GPR101: variants seen among roughly 807,000 people sequenced by gnomAD.
GPR101 encodes probable G protein-coupled receptor 101.
Under a neutral mutation model 16.4 loss-of-function variants are expected in GPR101, and 8 were observed. The observed-to-expected ratio is 0.49, with a 90% CI of 0.29 to 0.88. The LOEUF is 0.88. Among genes scored for constraint, GPR101 ranks in the 40% least tolerant of loss-of-function variants. The pLI, the probability that GPR101 is intolerant of heterozygous loss-of-function variation, is 0.09. For missense variants in GPR101, 375 were observed against 411.7 expected, an observed-to-expected ratio of 0.91 and a Z score of 0.77; for synonymous variants, 155 against 168.7, an observed-to-expected ratio of 0.92 and a Z score of 0.63.
At chrX:137,032,643 C>G (rs1927289957) in intron 1 of GPR101, among the ~76,000 whole-genome samples, 1 of 110,790 alleles carries the variant, frequency 9.0e-6, no homozygotes, top group African/African-American at 3.3e-5. Flanking sequence ...GCGTCTCCCT[C>G]GGGTTCTCTG....
In GPR101 at chrX:137,028,715, A is replaced by T. The variant is rs1927204026; in HGVS notation, c.*1433T>A. On this transcript the variant is annotated 3_prime_UTR_variant, in exon 2 of 2. Coordinates refer to ENST00000651716, the MANE Select transcript of GPR101 (RefSeq NM_054021.2). ...CCCATGCCCTCAGAAATGTATATGT[A>T]TATCCCTGCCCAAAGTTATTTTGCG... Among the ~76,000 whole-genome samples the T allele has an allele frequency of 8.9e-6, 1 of 112,337 alleles. No homozygotes were observed. Among genetic ancestry groups the T allele is most frequent in the Non-Finnish European group, 1.9e-5 (1 of 53,201 alleles).
At position 137,029,456 on chromosome X, in the gene GPR101, G is replaced by A. The variant is rs1180134089; in HGVS notation, c.*692C>T. ...TATAGGAAAAAAAGTCAACTGTTTA[G>A]CTCTCCAGATGTGTGTTATTTCTCA... On this transcript the variant is annotated 3_prime_UTR_variant, in exon 2 of 2. Transcript: ENST00000651716. 1.1e-4 allele frequency among the ~76,000 whole-genome samples: 12 copies of A among 112,315 alleles called. No homozygotes were observed. The highest frequency in any genetic ancestry group is 2.3e-4 in the Non-Finnish European group (12 of 53,296).
Position 137,031,638 on chromosome X carries a change from T to A in GPR101, c.37A>T (p.Asn13Tyr). The change falls in exon 2 of 2, where the codon AAC becomes TAC. Residue 13 changes from asparagine (N) to tyrosine (Y), a missense_variant. Coordinates refer to ENST00000651716, the MANE Select transcript of GPR101 (RefSeq NM_054021.2). Reference sequence around the variant, plus strand: ...AGGGGCATGCACGTGTGGCTGCTGTTACTCTCGCGCGTGCTGTTGGTGCAG... The same window carrying A: ...AGGGGCATGCACGTGTGGCTGCTGTAACTCTCGCGCGTGCTGTTGGTGCAG... ...STCTNSTRES[N>Y]SSHTCMPLSK... is the part of the protein sequence containing the mutation. 1 of 1,195,328 alleles carries A rather than the reference T, an allele frequency of 8.4e-7. No homozygotes were observed. Among genetic ancestry groups the A allele is most frequent in the Non-Finnish European group, 1.1e-6 (1 of 886,782 alleles).
In GPR101 at chrX:137,026,236, G is replaced by T. The variant is rs1927165878; in HGVS notation, c.*3912C>A. ...TCTTAAAGAGGAATACAACAGAAAA[G>T]ACATTATGAGGGGAAAACACGTTAT... On this transcript the variant is annotated 3_prime_UTR_variant, in exon 2 of 2. Coordinates refer to ENST00000651716, the MANE Select transcript of GPR101 (RefSeq NM_054021.2). Among the ~76,000 whole-genome samples, 1 of 112,243 alleles carries T rather than the reference G, an allele frequency of 8.9e-6. No individual in the cohort carries two copies. Among genetic ancestry groups the T allele is most frequent in the African/African-American group, 3.2e-5 (1 of 30,880 alleles).
chrX:137,024,511 GT>G lies in GPR101; in HGVS notation c.*5636del, dbSNP rs1230110913. 8.9e-6 allele frequency among the ~76,000 whole-genome samples: 1 copy of G among 112,287 alleles called. No homozygotes were observed. The stretch of plus-strand genomic sequence containing the variant: ...CTCACAAAATTTGGTATTAAAGGCA[GT>G]TTTAAAAACAATTTAATGAGGGTAT... On this transcript the variant is annotated 3_prime_UTR_variant, in exon 2 of 2. Coordinates refer to ENST00000651716, the MANE Select transcript of GPR101 (RefSeq NM_054021.2).
At position 137,031,682 on chromosome X, in the gene GPR101, G is replaced by A; in HGVS notation, c.-8C>T. 5 of 1,173,202 alleles carry A rather than the reference G, an allele frequency of 4.3e-6. No homozygotes were observed. The highest frequency in any genetic ancestry group is 5.7e-6 in the Non-Finnish European group (5 of 874,251). ...GGTGCAGGTGGACGTCATGGCAACA[G>A]CCAGAGGGCGTGAGACAGGTTGCAG... is the stretch of plus-strand genomic sequence containing the variant. On this transcript the variant is annotated 5_prime_UTR_variant, in exon 2 of 2. Coordinates refer to ENST00000651716, the MANE Select transcript of GPR101 (RefSeq NM_054021.2).
rs186722069 is a variant in GPR101, at chrX:137,029,325, G to T, written c.*823C>A. Among the ~76,000 whole-genome samples the T allele has an allele frequency of 2.6e-4, 29 of 112,324 alleles. No individual in the cohort carries two copies. Among genetic ancestry groups the T allele is most frequent in the African/African-American group, 8.1e-4 (25 of 30,941 alleles). ...AAGGGAAGTTGTAAAATAGTGGCAT[G>T]ATTTCTGCCCCACTATTATTCAAAC... is the stretch of plus-strand genomic sequence containing the variant. On this transcript the variant is annotated 3_prime_UTR_variant, in exon 2 of 2. Transcript: ENST00000651716.
rs371482705 is a variant in GPR101, at chrX:137,030,998, A to G, written c.677T>C (p.Leu226Pro). 63 of 1,210,739 alleles carry G rather than the reference A, an allele frequency of 5.2e-5. No individual in the cohort carries two copies. Among genetic ancestry groups the G allele is most frequent in the Non-Finnish European group, 6.1e-5 (55 of 895,352 alleles). The change falls in exon 2 of 2, where the codon CTG becomes CCG. Residue 226 changes from leucine (L) to proline (P), a missense_variant. Physicochemically the swap from Leu to Pro is moderately conservative, Grantham distance 98 (BLOSUM62 -3). Coordinates refer to ENST00000651716, the MANE Select transcript of GPR101 (RefSeq NM_054021.2). ...CAAGCTGTGTCTCTTGACATTGTAC[A>G]GCAGAGCATGCTGCCTCCGGGCTGC... ...FCAARRQHAL[L>P]YNVKRHSLEV... is the part of the protein sequence containing the mutation.
rs1338801996 is a variant in GPR101, at chrX:137,028,345, A to G, written c.*1803T>C. 8.9e-6 allele frequency among the ~76,000 whole-genome samples: 1 copy of G among 111,830 alleles called. No individual in the cohort carries two copies. The highest frequency in any genetic ancestry group is 9.5e-5 in the Admixed American group (1 of 10,513). ...CCATGCAGAGTTATTCACAGTCCAA[A>G]TACATTGCTGTTTACCCCTTGAGAA... is the stretch of plus-strand genomic sequence containing the variant. On this transcript the variant is annotated 3_prime_UTR_variant, in exon 2 of 2. Coordinates refer to ENST00000651716, the MANE Select transcript of GPR101 (RefSeq NM_054021.2).
Position 137,031,500 on chromosome X carries a change from T to C in GPR101, c.175A>G (p.Lys59Glu). 8.3e-7 allele frequency: 1 copy of C among 1,206,236 alleles called. No homozygotes were observed. The highest frequency in any genetic ancestry group is 1.1e-6 in the Non-Finnish European group (1 of 892,849). Residue 59 changes from lysine to glutamate, a missense_variant, in exon 2 of 2, where the codon AAG becomes GAG. Coordinates refer to ENST00000651716, the MANE Select transcript of GPR101 (RefSeq NM_054021.2). ...TTGGTCACCTGCAGCAGCTGCGGCT[T>C]GCGCTGCAACACTAGCGCCAGCACT... is the stretch of plus-strand genomic sequence containing the variant. ...NIVLALVLQR[K>E]PQLLQVTNRF...
In GPR101 at chrX:137,030,533, C is replaced by G. The variant is rs766636946; in HGVS notation, c.1142G>C (p.Arg381Pro). The stretch of plus-strand genomic sequence containing the variant: ...CAGAGGAGGGTTGCTGTTGCTGTTA[C>G]GACGACTGGGTGGGAGGCTCTCCGG... ...NIPESLPPSR[R>P]NSNSNPPLPR... Residue 381 changes from arginine (R) to proline (P), a missense_variant, in exon 2 of 2, where the codon CGT becomes CCT. Arg to Pro is a moderately radical substitution (Grantham distance 103, BLOSUM62 -2). Transcript: ENST00000651716. 10 of 1,210,355 alleles carry G rather than the reference C, an allele frequency of 8.3e-6. No individual in the cohort carries two copies. Among genetic ancestry groups the G allele is most frequent in the South Asian group, 1.8e-5 (1 of 56,531 alleles).
In GPR101 at chrX:137,029,433, T is replaced by C. The variant is rs1448527131; in HGVS notation, c.*715A>G. On this transcript the variant is annotated 3_prime_UTR_variant, in exon 2 of 2. Coordinates refer to ENST00000651716, the MANE Select transcript of GPR101 (RefSeq NM_054021.2). ...GCCCATGCATAAACCCAAGATTTTA[T>C]AGGAAAAAAAGTCAACTGTTTAGCT... is the stretch of plus-strand genomic sequence containing the variant. Among the ~76,000 whole-genome samples the C allele has an allele frequency of 8.9e-6, 1 of 112,280 alleles. No individual in the cohort carries two copies. The highest frequency in any genetic ancestry group is 3.2e-5 in the African/African-American group (1 of 30,881).
Position 137,030,516 on chromosome X carries a change from G to GGTTGCT in GPR101, c.1153_1158dup (p.Ser385_Asn386dup), listed in dbSNP as rs768603699. On this transcript the variant is annotated inframe_insertion, in exon 2 of 2. Coordinates refer to ENST00000651716, the MANE Select transcript of GPR101 (RefSeq NM_054021.2). ...CACTGGTAGCACCTGGGCAGAGGAG[G>GGTTGCT]GTTGCTGTTGCTGTTACGACGACTG... 2.5e-6 allele frequency: 3 copies of GGTTGCT among 1,210,557 alleles called. No homozygotes were observed. Among genetic ancestry groups the GGTTGCT allele is most frequent in the African/African-American group, 1.7e-5 (1 of 57,682 alleles).
rs986079176 is a variant in GPR101 at position 137,029,178 on chromosome X, T to C, written c.*970A>G. Among the ~76,000 whole-genome samples the C allele has an allele frequency of 8.9e-6, 1 of 112,559 alleles. No homozygotes were observed. Among genetic ancestry groups the C allele is most frequent in the Non-Finnish European group, 1.9e-5 (1 of 53,278 alleles). On this transcript the variant is annotated 3_prime_UTR_variant, in exon 2 of 2. Transcript: ENST00000651716. ...GACTTAGGCCACTTCTAGTTGAATT[T>C]CTTTTTTTCTGTAAATACTGTTTGA...
In GPR101 at chrX:137,025,107, A is replaced by G. The variant is rs1927151369; in HGVS notation, c.*5041T>C. Among the ~76,000 whole-genome samples, 2 of 112,159 alleles carry G rather than the reference A, an allele frequency of 1.8e-5. No individual in the cohort carries two copies. Among genetic ancestry groups the G allele is most frequent in the African/African-American group, 3.2e-5 (1 of 30,831 alleles). On this transcript the variant is annotated 3_prime_UTR_variant, in exon 2 of 2. Coordinates refer to ENST00000651716, the MANE Select transcript of GPR101 (RefSeq NM_054021.2). ...CAGAATAAGTCCTCACCTGTCATAT[A>G]TCATATTAGGGATTTAAGGAATGAA...
intron 1 of GPR101, among the ~76,000 whole-genome samples, chrX:137,032,414 C>T (rs1433044399): frequency 2.7e-5 from 3 of 111,414 alleles, no homozygotes; most frequent in Admixed American, 1.9e-4. Context: ...CTCCCTCAGT[C>T]TCTTTCTGAT....
At position 137,031,358 on chromosome X, in the gene GPR101, G is replaced by T. The variant is rs1319896275; in HGVS notation, c.317C>A (p.Ala106Asp). 8.3e-7 allele frequency: 1 copy of T among 1,198,757 alleles called. No homozygotes were observed. Among genetic ancestry groups the T allele is most frequent in the Admixed American group, 2.2e-5 (1 of 45,419 alleles). ...FWPLNSHFCT[A>D]LVSLTHLFAF... is the part of the protein sequence containing the mutation. Reference sequence around the variant, plus strand: ...GAACAGGTGGGTGAGGCTAACCAGGGCCGTGCAGAAGTGGCTGTTGAGGGG... The same window carrying T: ...GAACAGGTGGGTGAGGCTAACCAGGTCCGTGCAGAAGTGGCTGTTGAGGGG... The change falls in exon 2 of 2, where the codon GCC (alanine) becomes GAC (aspartate). Residue 106 changes from alanine to aspartate, a missense_variant. Coordinates refer to ENST00000651716, the MANE Select transcript of GPR101 (RefSeq NM_054021.2).
chrX:137,032,446 C>G (rs976675242), intron 1 of GPR101, among the ~76,000 whole-genome samples: 14 of 111,228 alleles, frequency 1.3e-4, no homozygotes, highest in African/African-American at 3.3e-4. Context: ...CTCTGTGTCT[C>G]TGCCTGTCAC....
In GPR101 at chrX:137,033,063, G is replaced by A. The variant is rs771917495; in HGVS notation, c.-93+739C>T. 4.5e-5 allele frequency among the ~76,000 whole-genome samples: 5 copies of A among 111,180 alleles called. No individual in the cohort carries two copies. The South Asian group carries it at 2.0e-3, about 44-fold the overall frequency. On this transcript the variant is annotated intron_variant, in intron 1 of 1. Coordinates refer to ENST00000651716, the MANE Select transcript of GPR101 (RefSeq NM_054021.2). ...TATTTTGCCGTGGAAACCACCTGCC[G>A]CCCCGGCCACCGCGGGCTTTGGTTA...
Sources: gnomAD v4.1 joint callset for allele counts (sites outside exome capture counted in the v4.1 genomes callset) on GRCh38, gnomAD v4.1.1 for gene constraint, MANE v1.5 for transcripts, NCBI Gene and HGNC (gene_info 2026-07-23, HGNC 2026-07-21) for gene names.